RPS6KC1: variants seen among roughly 807,000 people sequenced by gnomAD.
The protein encoded by RPS6KC1 is inactive ribosomal protein S6 kinase delta-1.
Under a neutral mutation model 103.8 loss-of-function variants are expected in RPS6KC1, and 54 were observed. That is an observed-to-expected ratio of 0.52 (90% CI 0.42 to 0.65). The LOEUF (loss-of-function observed/expected upper bound fraction) is 0.65. RPS6KC1 is among the 30% of genes least tolerant of loss of function. RPS6KC1 has a pLI of 0.00. For missense variants in RPS6KC1, 1,151 were observed against 1,253.8 expected (o/e 0.92, Z 1.24); for synonymous variants, 439 against 438.7 (o/e 1.00, Z -0.01).
At chr1:213,116,617 C>T (rs543299037) in intron 4 of RPS6KC1, among the ~76,000 whole-genome samples, 3,319 of 150,470 alleles carry the variant, frequency 0.022, 122 homozygotes, top group African/African-American at 0.076. Flanking sequence ...GGTTATTTTG[C>T]TCGTTAGTCG....
the RPS6KC1 span, among the ~76,000 whole-genome samples, chr1:213,622,377 C>T: frequency 1.3e-5 from 2 of 152,114 alleles, no homozygotes; most frequent in South Asian, 4.2e-4. Flanking sequence ...CAAGTTGCAG[C>T]CTCCTCTTTT....
chr1:213,137,800 T>TATATATATATATA (rs1491296368), intron 6 of RPS6KC1, among the ~76,000 whole-genome samples: 1 of 52,376 alleles, frequency 1.9e-5, no homozygotes, highest in African/African-American at 1.0e-4. Flanking sequence ...TATATATATA[T>TATATATATATATA]TTTTTTTTTT....
the RPS6KC1 span, among the ~76,000 whole-genome samples, chr1:213,296,541 A>G: frequency 6.6e-6 from 1 of 152,222 alleles, no homozygotes; most frequent in Non-Finnish European, 1.5e-5. Context: ...TCTTGGCATC[A>G]AAAACTGTAG....
At chr1:213,451,741 C>T in the RPS6KC1 span, among the ~76,000 whole-genome samples, 191 of 152,352 alleles carry the variant, frequency 1.3e-3, 1 homozygote, top group African/African-American at 4.3e-3. Flanking sequence ...ATCAGCTTTC[C>T]TGGAGTTTCT....
intron 4 of RPS6KC1, among the ~76,000 whole-genome samples, chr1:213,107,952 C>T (rs1172866327): frequency 6.6e-6 from 1 of 152,076 alleles, no homozygotes; most frequent in Non-Finnish European, 1.5e-5. Context: ...AAAATCTACC[C>T]ATTTTTTTGA....
At chr1:213,080,958 C>A (rs779162528) in intron 3 of RPS6KC1, among the ~76,000 whole-genome samples, 2 of 152,242 alleles carry the variant, frequency 1.3e-5, no homozygotes, top group Non-Finnish European at 2.9e-5. Context: ...TCAATTGTTA[C>A]AATTACTGTG....
the RPS6KC1 span, among the ~76,000 whole-genome samples, chr1:213,523,911 C>T: frequency 6.6e-6 from 1 of 152,124 alleles, no homozygotes; most frequent in Non-Finnish European, 1.5e-5. Flanking sequence ...GGGGGTAAGA[C>T]TGAGCGAGGC....
the RPS6KC1 span, among the ~76,000 whole-genome samples, chr1:213,601,992 CTTTCT>C: frequency 7.5e-4 from 15 of 20,120 alleles, 4 homozygotes; most frequent in Admixed American, 1.7e-3. Flanking sequence ...CTCTCTCTTT[CTTTCT>C]TTTCTTTTCT....
the RPS6KC1 span, among the ~76,000 whole-genome samples, chr1:213,816,148 G>A: frequency 6.6e-6 from 1 of 152,058 alleles, no homozygotes; most frequent in Non-Finnish European, 1.5e-5. Context: ...TAACCTCAAA[G>A]ATCCCTGACC....
the RPS6KC1 span, among the ~76,000 whole-genome samples, chr1:213,504,084 A>G: frequency 6.6e-6 from 1 of 152,180 alleles, no homozygotes; most frequent in East Asian, 1.9e-4. Flanking sequence ...ATGTATATAT[A>G]GAACGGTTTT....
chr1:213,323,140 C>T, the RPS6KC1 span, among the ~76,000 whole-genome samples: 1 of 151,892 alleles, frequency 6.6e-6, no homozygotes, highest in Non-Finnish European at 1.5e-5. Flanking sequence ...TTCTGTCATT[C>T]CATTGCCTTC....
chr1:213,293,282 AT>A, the RPS6KC1 span, among the ~76,000 whole-genome samples: 1,996 of 152,214 alleles, frequency 0.013, 65 homozygotes, highest in East Asian at 0.099. Context: ...TGTGTGATGG[AT>A]TTTTTTTAAA....
the RPS6KC1 span, among the ~76,000 whole-genome samples, chr1:213,373,106 C>T: frequency 3.3e-5 from 5 of 152,150 alleles, no homozygotes; most frequent in Admixed American, 6.5e-5. Flanking sequence ...AATCCTCTAA[C>T]GAAAAAGCAT....
rs148290170 is a variant in RPS6KC1 at position 213,203,616 on chromosome 1, A to G, written c.1045-26881A>G. Among the ~76,000 whole-genome samples, 104 of 152,264 alleles carry G rather than the reference A, an allele frequency of 6.8e-4. No homozygotes were observed. The East Asian group carries it at 0.018, about 27-fold the overall frequency. ...ATATGTAAACTTTTGTCTTGAATAT[A>G]CAGGGGTATTTTCCTTCAAGACAAA... On this transcript the variant is annotated intron_variant, in intron 8 of 14. Coordinates refer to ENST00000366960, the MANE Select transcript of RPS6KC1 (RefSeq NM_012424.6).
chr1:213,073,198 C>G (rs1223096438), intron 2 of RPS6KC1, among the ~76,000 whole-genome samples: 1 of 152,156 alleles, frequency 6.6e-6, no homozygotes, highest in Non-Finnish European at 1.5e-5. Context: ...CACTTCCTTT[C>G]ACTTTCCCTC....
At chr1:213,188,395 C>G (rs936258176) in intron 8 of RPS6KC1, among the ~76,000 whole-genome samples, 3 of 151,984 alleles carry the variant, frequency 2.0e-5, no homozygotes, top group South Asian at 4.2e-4. Context: ...CCCTTGCCAT[C>G]TGTTCAGAGT....
chr1:213,106,470 T>C (rs2082513396), intron 4 of RPS6KC1, among the ~76,000 whole-genome samples: 1 of 152,160 alleles, frequency 6.6e-6, no homozygotes, highest in Admixed American at 6.5e-5. Flanking sequence ...TAGTCCTTCT[T>C]ACATCTCATT....
the RPS6KC1 span, among the ~76,000 whole-genome samples, chr1:213,649,277 C>A: frequency 7.0e-6 from 1 of 143,692 alleles, no homozygotes; most frequent in Admixed American, 6.9e-5. Flanking sequence ...AAAAAAAAGT[C>A]TCCAACAATG....
the RPS6KC1 span, among the ~76,000 whole-genome samples, chr1:213,797,318 C>G: frequency 6.4e-4 from 98 of 152,242 alleles, 3 homozygotes; most frequent in South Asian, 0.02. Flanking sequence ...AAAGAATATA[C>G]ATTAACTAAA....
Sources: allele counts gnomAD v4.1 joint callset (sites outside exome capture counted in the v4.1 genomes callset), GRCh38; gene constraint gnomAD v4.1.1; transcripts MANE v1.5; gene names NCBI Gene and HGNC (gene_info 2026-07-23, HGNC 2026-07-21).